The following HIVEP3 variants were observed in gnomAD, a reference collection of about 807,000 sequenced individuals.
HIVEP3 encodes HIVEP zinc finger 3.
A neutral mutation model predicts 152.8 loss-of-function variants in HIVEP3; 49 were observed. That is an observed-to-expected ratio of 0.32 (90% CI 0.26 to 0.41). The LOEUF is 0.41. Among genes scored for constraint, HIVEP3 ranks in the 10% least tolerant of loss-of-function variants. The pLI, the probability that HIVEP3 is intolerant of heterozygous loss-of-function variation, is 1.00. For synonymous variants in HIVEP3, 1,269 were observed against 1,289.0 expected (o/e 0.98, Z 0.33); for missense variants, 2,790 against 3,103.3 (o/e 0.90, Z 2.40).
intron 1 of HIVEP3, among the ~76,000 whole-genome samples, chr1:41,926,347 T>C (rs1644968241): frequency 6.6e-6 from 1 of 152,322 alleles, no homozygotes; most frequent in Admixed American, 6.5e-5. Flanking sequence ...TTATGTTTCA[T>C]ATTATTCGAA....
chr1:41,874,968 C>G (rs1264076257), intron 1 of HIVEP3, among the ~76,000 whole-genome samples: 1 of 152,218 alleles, frequency 6.6e-6, no homozygotes, highest in East Asian at 1.9e-4. Context: ...GCCTTCCGCC[C>G]TCGCCACTTG....
chr1:41,677,689 A>G (rs1375283074), intron 2 of HIVEP3, among the ~76,000 whole-genome samples: 1 of 152,260 alleles, frequency 6.6e-6, no homozygotes, highest in Non-Finnish European at 1.5e-5. Flanking sequence ...TCCCAGCTAA[A>G]GTCCAATATC....
intron 1 of HIVEP3, among the ~76,000 whole-genome samples, chr1:41,855,938 T>C (rs1570676919): frequency 6.6e-6 from 1 of 152,074 alleles, no homozygotes; most frequent in Non-Finnish European, 1.5e-5. Flanking sequence ...CAGGCTGGAG[T>C]GCAGTGATGC....
intron 2 of HIVEP3, among the ~76,000 whole-genome samples, chr1:41,651,269 G>C (rs1400116801): frequency 6.6e-6 from 1 of 152,010 alleles, no homozygotes; most frequent in Non-Finnish European, 1.5e-5. Flanking sequence ...AAATTAGCTG[G>C]GCATGGTGGC....
At chr1:41,671,380 G>T (rs1645873065) in intron 2 of HIVEP3, among the ~76,000 whole-genome samples, 2 of 152,232 alleles carry the variant, frequency 1.3e-5, no homozygotes, top group African/African-American at 4.8e-5. Flanking sequence ...CAGAGATGCA[G>T]CTCTGTCTGG....
chr1:41,883,053 G>GT (rs1250856656), intron 1 of HIVEP3, among the ~76,000 whole-genome samples: 4 of 152,120 alleles, frequency 2.6e-5, no homozygotes, highest in Non-Finnish European at 5.9e-5. Context: ...TCTAAATGGA[G>GT]TAAGAGACAC....
intron 5 of HIVEP3, among the ~76,000 whole-genome samples, chr1:41,574,327 G>A (rs959935474): frequency 1.3e-5 from 2 of 152,176 alleles, no homozygotes; most frequent in Non-Finnish European, 1.5e-5. Flanking sequence ...CACACGGAAA[G>A]AGGGTTGGCA....
intron 1 of HIVEP3, among the ~76,000 whole-genome samples, chr1:41,835,958 C>T (rs995946192): frequency 6.6e-6 from 1 of 152,222 alleles, no homozygotes; most frequent in Admixed American, 6.5e-5. Context: ...CCCTAACCTG[C>T]CATATGAGCT....
intron 1 of HIVEP3, among the ~76,000 whole-genome samples, chr1:41,852,601 C>G (rs1643635015): frequency 6.6e-6 from 1 of 152,206 alleles, no homozygotes. Flanking sequence ...GTATTGGGAT[C>G]TTTGGATGGA....
intron 1 of HIVEP3, among the ~76,000 whole-genome samples, chr1:42,006,832 C>T (rs944108689): frequency 1.3e-5 from 2 of 152,162 alleles, no homozygotes; most frequent in Non-Finnish European, 1.5e-5. Flanking sequence ...TCAGAGACCC[C>T]CAGGGACCCC....
At position 41,545,822 on chromosome 1, in the gene HIVEP3, CACT is replaced by C. The variant is rs1318448002; in HGVS notation, c.5208-20915_5208-20913del. On this transcript the variant is annotated intron_variant, in intron 5 of 8. Coordinates refer to ENST00000372583, the MANE Select transcript of HIVEP3 (RefSeq NM_024503.5). ...CCACCATCACCACCACCACCACCAC[CACT>C]ACCATCCTCAGCATTCACTGGACAT... 3.3e-5 allele frequency among the ~76,000 whole-genome samples: 5 copies of C among 152,108 alleles called. No homozygotes were observed. In the East Asian group the frequency reaches 9.7e-4, roughly 29 times the overall value.
rs1330241510 is a variant in HIVEP3 at position 41,584,163 on chromosome 1, C to T, written c.635G>A (p.Arg212His). Residue 212 changes from arginine (R) to histidine (H), a missense_variant, in exon 4 of 9, where the codon CGC becomes CAC. Physicochemically the swap from Arg to His is conservative, Grantham distance 29. Coordinates refer to ENST00000372583, the MANE Select transcript of HIVEP3 (RefSeq NM_024503.5). This position sits in a 1 kb window ranked among gnomAD's most constrained non-coding sequence, Gnocchi z 5.2. ...GTAGGGCCTCTCACCTGTGTGTGAG[C>T]GAATGTGCTTCTGGAGCACGCTGGG... Reference protein sequence around the residue: ...AKPSVLQKHIRSHTGERPYPC... With the variant: ...AKPSVLQKHIHSHTGERPYPC... 3 of 1,613,998 alleles carry T rather than the reference C, an allele frequency of 1.9e-6. No homozygotes were observed. The highest frequency in any genetic ancestry group is 1.7e-6 in the Non-Finnish European group (2 of 1,180,042).
chr1:41,692,398 T>C (rs1480268403), intron 2 of HIVEP3, among the ~76,000 whole-genome samples: 1 of 152,190 alleles, frequency 6.6e-6, no homozygotes, highest in East Asian at 1.9e-4. Context: ...GGAAATGCCA[T>C]GTTAGGTAAG....
chr1:41,733,344 T>C (rs1646870320), intron 1 of HIVEP3, among the ~76,000 whole-genome samples: 1 of 152,196 alleles, frequency 6.6e-6, no homozygotes, highest in South Asian at 2.1e-4. Flanking sequence ...AAGTGGTAAT[T>C]ACTGTGAAAA....
chr1:41,529,730 C>T (rs1431784631), intron 5 of HIVEP3, among the ~76,000 whole-genome samples: 3 of 147,022 alleles, frequency 2.0e-5, no homozygotes, highest in Non-Finnish European at 4.5e-5. Flanking sequence ...CACATACACA[C>T]GCCACCCTCA....
intron 1 of HIVEP3, among the ~76,000 whole-genome samples, chr1:41,975,355 C>T (rs1387346231): frequency 6.6e-6 from 1 of 152,186 alleles, no homozygotes; most frequent in African/African-American, 2.4e-5. Context: ...CTAGTGGATA[C>T]ACACAAATGA....
chr1:42,019,125 T>C (rs1235456293), intron 1 of HIVEP3, among the ~76,000 whole-genome samples: 10 of 152,082 alleles, frequency 6.6e-5, no homozygotes, highest in Non-Finnish European at 1.5e-4. Flanking sequence ...AGATGCCACA[T>C]TGACTTAATT....
At chr1:41,815,759 T>A (rs1291410891) in intron 1 of HIVEP3, among the ~76,000 whole-genome samples, 8 of 151,940 alleles carry the variant, frequency 5.3e-5, no homozygotes, top group Non-Finnish European at 1.5e-5. Context: ...TATTGTTTTT[T>A]TTTTTTTTAT....
intron 3 of HIVEP3, among the ~76,000 whole-genome samples, chr1:41,606,282 A>G (rs1644821411): frequency 6.6e-6 from 1 of 151,968 alleles, no homozygotes; most frequent in Non-Finnish European, 1.5e-5. Flanking sequence ...TCAACTTTAG[A>G]CAGTGTCTAT....
Sources: gnomAD v4.1 joint callset for allele counts (sites outside exome capture counted in the v4.1 genomes callset) on GRCh38, gnomAD v4.1.1 for gene constraint, Gnocchi (gnomAD v3.1) non-coding constraint, MANE v1.5 for transcripts, NCBI Gene and HGNC (gene_info 2026-07-23, HGNC 2026-07-21) for gene names.